The following MAP2K1 variants were observed in gnomAD, a reference collection of about 807,000 sequenced individuals.
MAP2K1 encodes the protein mitogen-activated protein kinase kinase 1, also known as dual specificity mitogen-activated protein kinase kinase 1.
MAP2K1 carries 16 observed loss-of-function variants against 46.3 expected under a neutral mutation model. That is an observed-to-expected ratio of 0.35 (90% confidence interval 0.23 to 0.52). MAP2K1 has a LOEUF of 0.52. Among genes scored for constraint, MAP2K1 ranks in the 20% least tolerant of loss-of-function variants. MAP2K1 has a pLI of 0.94. For missense variants in MAP2K1, 263 were observed against 497.1 expected (o/e 0.53, Z 4.48); for synonymous variants, 183 against 185.6 (o/e 0.99, Z 0.11).
chr15:66,420,922 CAT>C lies in MAP2K1; in HGVS notation c.81-14097_81-14096del, dbSNP rs201021234. On this transcript the variant is annotated intron_variant, in intron 1 of 10. Transcript: ENST00000307102. ...ATACATACATACACACACATACATA[CAT>C]ATATATACACACATACATATATACA... is the stretch of plus-strand genomic sequence containing the variant. Among the ~76,000 whole-genome samples the C allele has an allele frequency of 4.2e-3, 542 of 128,240 alleles. 6 individuals carry two copies. Among genetic ancestry groups the C allele is most frequent in the East Asian group, 0.022 (95 of 4,236 alleles). The allele number at this position is 128,240 out of a possible 152,430, so 84.1% of individuals were successfully genotyped here.
rs1595830819 is a variant in MAP2K1, at chr15:66,387,043, A to T, written c.-305A>T. ...CCGAGCCGGAGGGACTGGTTGGTTG[A>T]GAGAGAGAGAGGAAGGGAATCCCGG... On this transcript the variant is annotated 5_prime_UTR_variant, in exon 1 of 11. Transcript: ENST00000307102. The T allele has an allele frequency of 3.5e-6, 1 of 282,404 alleles. No individual in the cohort carries two copies. The highest frequency in any genetic ancestry group is 5.4e-5 in the Admixed American group (1 of 18,420). The allele number at this position is 282,404 out of a possible 1,614,324, so 17.5% of individuals were successfully genotyped here. A position where few individuals can be genotyped will look rare whatever the true frequency, so the allele number is the denominator to read the frequency against.
intron 5 of MAP2K1, among the ~76,000 whole-genome samples, chr15:66,471,992 G>A (rs1205230637): frequency 6.8e-5 from 10 of 146,196 alleles, no homozygotes; most frequent in Admixed American, 5.0e-4. Context: ...CAGGAGAATC[G>A]GTTGAACCGG....
intron 1 of MAP2K1, among the ~76,000 whole-genome samples, chr15:66,402,895 T>C (rs2093385743): frequency 6.6e-6 from 1 of 152,202 alleles, no homozygotes; most frequent in African/African-American, 2.4e-5. Flanking sequence ...TTCTGGTGTC[T>C]CAGGGAACAC....
rs775355010 is a variant in MAP2K1 at position 66,489,723 on chromosome 15, TAAAA to T, written c.1031_1034del (p.Lys344ThrfsTer8). On this transcript the variant is annotated frameshift_variant, in exon 10 of 11. Coordinates refer to ENST00000307102, the MANE Select transcript of MAP2K1 (RefSeq NM_002755.4). LOFTEE classifies it high-confidence loss of function. ...CTTGTCTTTCTTCCTTTAAGCTTAA[TAAAA>T]AACCCCGCAGAGAGAGCAGATTTGA... is the stretch of plus-strand genomic sequence containing the variant. The T allele has an allele frequency of 1.2e-6, 2 of 1,613,728 alleles. No homozygotes were observed. The highest frequency in any genetic ancestry group is 1.3e-5 in the African/African-American group (1 of 75,036).
intron 5 of MAP2K1, among the ~76,000 whole-genome samples, chr15:66,479,640 C>G (rs1193268087): frequency 2.0e-5 from 3 of 152,112 alleles, no homozygotes; most frequent in Non-Finnish European, 4.4e-5. Context: ...GCAGTGTGTG[C>G]ATGCATGTAT....
At position 66,446,602 on chromosome 15, in the gene MAP2K1, C is replaced by A. The variant is rs146558226; in HGVS notation, c.568+1895C>A. On this transcript the variant is annotated intron_variant, in intron 5 of 10. Transcript: ENST00000307102. ...TACTCCAGTGTTGTTTGGTTTACCA[C>A]CAGGAGTCACTGTGTTGTTCTTTGC... 236 of 267,906 alleles carry A rather than the reference C, an allele frequency of 8.8e-4. 1 individual carries two copies. Among genetic ancestry groups the A allele is most frequent in the African/African-American group, 4.8e-3 (214 of 44,252 alleles). The allele number at this position is 267,906 out of a possible 1,614,324, so 16.6% of individuals were successfully genotyped here.
chr15:66,408,200 C>G (rs2093402512), intron 1 of MAP2K1, among the ~76,000 whole-genome samples: 1 of 152,186 alleles, frequency 6.6e-6, no homozygotes. Flanking sequence ...TGCAGGTTGC[C>G]TTACTTTCTA....
At position 66,421,520 on chromosome 15, in the gene MAP2K1, G is replaced by A. The variant is rs1223397723; in HGVS notation, c.81-13507G>A. On this transcript the variant is annotated intron_variant, in intron 1 of 10. Coordinates refer to ENST00000307102, the MANE Select transcript of MAP2K1 (RefSeq NM_002755.4). The stretch of plus-strand genomic sequence containing the variant: ...CTAATCCTAATTCTATACCATTGTC[G>A]CTGGGTGCAGTGGTTCACGCCTGTA... Among the ~76,000 whole-genome samples the A allele has an allele frequency of 7.9e-5, 12 of 151,158 alleles. No individual in the cohort carries two copies. In the East Asian group the frequency reaches 1.4e-3, roughly 17 times the overall value.
chr15:66,394,272 A>G (rs1338169007), intron 1 of MAP2K1, among the ~76,000 whole-genome samples: 1 of 152,054 alleles, frequency 6.6e-6, no homozygotes, highest in Non-Finnish European at 1.5e-5. Context: ...TAACCCTGAA[A>G]CACTCAGACT....
intron 5 of MAP2K1, chr15:66,446,795 A>G: frequency 3.8e-6 from 1 of 265,320 alleles, no homozygotes; most frequent in East Asian, 9.4e-5. Context: ...TCCTTTTAGA[A>G]GTCCTGTTCC....
At chr15:66,483,822 ACTGCAAGCC>A (rs1892972426) in intron 6 of MAP2K1, among the ~76,000 whole-genome samples, 1 of 141,050 alleles carries the variant, frequency 7.1e-6, no homozygotes, top group African/African-American at 2.7e-5. Context: ...ATCTCGGCTT[ACTGCAAGCC>A]CTGCCTCCCA....
At chr15:66,443,467 A>T in intron 4 of MAP2K1, 110 bp downstream of exon 4, 1 of 739,300 alleles carries the variant, frequency 1.4e-6, no homozygotes, top group Non-Finnish European at 2.4e-6. Context: ...AAAGTTTATA[A>T]GAAAAGTGGT....
intron 5 of MAP2K1, among the ~76,000 whole-genome samples, chr15:66,479,476 G>C (rs1892862174): frequency 6.6e-6 from 1 of 152,184 alleles, no homozygotes. Flanking sequence ...CCTCTCTTCT[G>C]AAAGTCTATG....
intron 5 of MAP2K1, among the ~76,000 whole-genome samples, chr15:66,468,893 TGCAGTGAGCTGAGTCTGTGCC>T (rs1892537160): frequency 1.0e-5 from 1 of 96,884 alleles, no homozygotes; most frequent in Non-Finnish European, 2.6e-5. Flanking sequence ...TCTGTGCCAC[TGCAGTGAGCTGAGTCTGTGCC>T]ACTGCACTCC....
In MAP2K1 at chr15:66,386,972, C is replaced by T; in HGVS notation, c.-376C>T. 3.7e-6 allele frequency: 1 copy of T among 267,508 alleles called. No homozygotes were observed. Among genetic ancestry groups the T allele is most frequent in the Middle Eastern group, 1.0e-3 (1 of 982 alleles). 16.6% of individuals were successfully genotyped at this position (267,508 alleles called of 1,614,324 possible). A position where few individuals can be genotyped will look rare whatever the true frequency, so the allele number is the denominator to read the frequency against. On this transcript the variant is annotated 5_prime_UTR_variant, in exon 1 of 11. Coordinates refer to ENST00000307102, the MANE Select transcript of MAP2K1 (RefSeq NM_002755.4). The stretch of plus-strand genomic sequence containing the variant: ...AGCACGGCGGCGGCGGCACTTTCCC[C>T]GGCAGGAGCTGGAGCTGGGCTCTGG...
At chr15:66,470,443 G>A (rs1383121872) in intron 5 of MAP2K1, among the ~76,000 whole-genome samples, 1 of 152,134 alleles carries the variant, frequency 6.6e-6, no homozygotes, top group African/African-American at 2.4e-5. Context: ...TGTCCTCCCT[G>A]TTGGAAGCAA....
At chr15:66,392,013 A>T (rs1286363700) in intron 1 of MAP2K1, among the ~76,000 whole-genome samples, 1 of 152,220 alleles carries the variant, frequency 6.6e-6, no homozygotes, top group Non-Finnish European at 1.5e-5. Context: ...GAGGCTCTGT[A>T]GATTGGAGTC....
chr15:66,406,840 G>A (rs2093398153), intron 1 of MAP2K1, among the ~76,000 whole-genome samples: 1 of 151,992 alleles, frequency 6.6e-6, no homozygotes, highest in Non-Finnish European at 1.5e-5. Flanking sequence ...AGACCAGCCT[G>A]ACCAACATGG....
chr15:66,413,868 GT>G (rs140388933), intron 1 of MAP2K1, among the ~76,000 whole-genome samples: 1 of 147,024 alleles, frequency 6.8e-6, no homozygotes. Flanking sequence ...CTGTCTTGGG[GT>G]TTTTGGGTCT....
Sources: allele counts gnomAD v4.1 joint callset (sites outside exome capture counted in the v4.1 genomes callset), GRCh38; gene constraint gnomAD v4.1.1; transcripts MANE v1.5; gene names NCBI Gene and HGNC (gene_info 2026-07-23, HGNC 2026-07-21).